The following MGST1 variants were observed in gnomAD, a reference collection of about 807,000 sequenced individuals.
MGST1 encodes the protein glutathione S-transferase 12.
MGST1 carries 5 observed loss-of-function variants against 8.9 expected under a neutral mutation model. That is an observed-to-expected ratio of 0.56 (90% confidence interval 0.29 to 1.19). The LOEUF (loss-of-function observed/expected upper bound fraction) is 1.19, where lower values mean the gene tolerates loss of function less well. Ranked by LOEUF, MGST1 falls within the 50% of genes most tolerant of loss-of-function variation. The pLI is 0.08. For synonymous variants in MGST1, 54 were observed against 67.8 expected (o/e 0.80, Z 1.00); for missense variants, 182 against 187.4 (o/e 0.97, Z 0.17).
At chr12:16,528,815 G>C (rs1009481994) in intron 4 of MGST1, among the ~76,000 whole-genome samples, 1 of 152,024 alleles carries the variant, frequency 6.6e-6, no homozygotes, top group Non-Finnish European at 1.5e-5. Context: ...CACCCAAGAA[G>C]AGCCCATGTG....
intron 4 of MGST1, among the ~76,000 whole-genome samples, chr12:16,474,841 A>T (rs1310374295): frequency 6.6e-6 from 1 of 152,242 alleles, no homozygotes; most frequent in Non-Finnish European, 1.5e-5. Context: ...AGTAGGTATT[A>T]ATCTTATTTT....
Position 16,389,435 on chromosome 12 carries a change from C to CT in MGST1, n.778+5837dup, listed in dbSNP as rs1480840039. ...TAAAATAAATAAGGTCTCTTTTTGTCTTTTTTGTGATTCCATGGGTCGGGT... is the reference window on the plus strand; with the variant it reads ...TAAAATAAATAAGGTCTCTTTTTGTCTTTTTTTGTGATTCCATGGGTCGGGT... On this transcript the variant is annotated intron_variant and non_coding_transcript_variant, in intron 1 of 1. Coordinates refer to the MGST1 transcript ENST00000359720. The surrounding 1 kb of genome is among the most constrained non-coding windows in gnomAD (Gnocchi z 4.6). 1.3e-5 allele frequency among the ~76,000 whole-genome samples: 2 copies of CT among 152,102 alleles called. No individual in the cohort carries two copies. Among genetic ancestry groups the CT allele is most frequent in the Non-Finnish European group, 2.9e-5 (2 of 67,992 alleles).
At chr12:16,543,224 C>T (rs1356192710) in intron 4 of MGST1, among the ~76,000 whole-genome samples, 1 of 152,100 alleles carries the variant, frequency 6.6e-6, no homozygotes, top group Non-Finnish European at 1.5e-5. Flanking sequence ...GTTCATCTTG[C>T]TAAATATCAG....
intron 4 of MGST1, among the ~76,000 whole-genome samples, chr12:16,579,019 G>A (rs765014183): frequency 4.6e-5 from 7 of 152,092 alleles, no homozygotes; most frequent in Admixed American, 6.6e-5. Context: ...ACACACTCTT[G>A]ACAGACTGTA....
At chr12:16,351,452 A>C (rs969332209) in intron 1 of MGST1, among the ~76,000 whole-genome samples, 1 of 152,188 alleles carries the variant, frequency 6.6e-6, no homozygotes, top group Non-Finnish European at 1.5e-5. Flanking sequence ...GGATTTTTTA[A>C]AAACCTTGCG....
At chr12:16,429,995 C>A (rs945197235) in intron 1 of MGST1, among the ~76,000 whole-genome samples, 4 of 152,098 alleles carry the variant, frequency 2.6e-5, no homozygotes, top group Admixed American at 1.3e-4. Flanking sequence ...TCTTTCAAAC[C>A]CTTTTGCTGC....
At chr12:16,444,257 A>C (rs894896528) in intron 4 of MGST1, among the ~76,000 whole-genome samples, 2 of 135,520 alleles carry the variant, frequency 1.5e-5, no homozygotes, top group African/African-American at 5.6e-5. Flanking sequence ...TGTGGGTATT[A>C]AGTTATAAAG....
intron 4 of MGST1, among the ~76,000 whole-genome samples, chr12:16,522,773 A>G (rs1941656413): frequency 6.6e-6 from 1 of 152,096 alleles, no homozygotes; most frequent in South Asian, 2.1e-4. Flanking sequence ...TTCTGCAGTA[A>G]GATGTGAGTT....
At chr12:16,487,167 T>A (rs1941404244) in intron 4 of MGST1, among the ~76,000 whole-genome samples, 1 of 152,162 alleles carries the variant, frequency 6.6e-6, no homozygotes, top group African/African-American at 2.4e-5. Flanking sequence ...CAAAAAAAGC[T>A]TTTCCAGAAT....
chr12:16,535,477 A>G (rs930184909), intron 4 of MGST1, among the ~76,000 whole-genome samples: 3 of 152,234 alleles, frequency 2.0e-5, no homozygotes, highest in Admixed American at 2.0e-4. Context: ...AAGTTCCAGC[A>G]TGACGGATAT....
intron 4 of MGST1, among the ~76,000 whole-genome samples, chr12:16,489,065 G>A (rs781403718): frequency 1.7e-4 from 26 of 152,008 alleles, no homozygotes; most frequent in African/African-American, 2.7e-4. Context: ...AGCTATTATC[G>A]TGTCACTGCA....
Position 16,533,192 on chromosome 12 carries a change from G to A in MGST1, n.483-56336G>A, listed in dbSNP as rs545400810. 3.3e-5 allele frequency among the ~76,000 whole-genome samples: 5 copies of A among 152,238 alleles called. No homozygotes were observed. In the South Asian group the frequency reaches 1.0e-3, roughly 32 times the overall value. On this transcript the variant is annotated intron_variant and non_coding_transcript_variant, in intron 4 of 4. Coordinates refer to the MGST1 transcript ENST00000538857. ...AAGAATTGGCATGTAAAAGACAGAG[G>A]ACTCTCATTTTTGTTCATTTCACTA...
intron 4 of MGST1, among the ~76,000 whole-genome samples, chr12:16,583,812 G>A (rs184326586): frequency 8.1e-4 from 123 of 152,296 alleles, no homozygotes; most frequent in African/African-American, 2.8e-3. Context: ...GAAGATGGAA[G>A]TGAAGGGGAC....
chr12:16,418,534 C>G (rs960976671), intron 1 of MGST1, among the ~76,000 whole-genome samples: 2 of 152,152 alleles, frequency 1.3e-5, no homozygotes, highest in Non-Finnish European at 2.9e-5. Context: ...AGGAACCAAA[C>G]TCAGTTCCCT....
Position 16,560,378 on chromosome 12 carries a change from A to G in MGST1, n.483-29150A>G. 1 of 1,602,550 alleles carries G rather than the reference A, an allele frequency of 6.2e-7. No individual in the cohort carries two copies. The highest frequency in any genetic ancestry group is 8.5e-7 in the Non-Finnish European group (1 of 1,175,034). On this transcript the variant is annotated intron_variant and non_coding_transcript_variant, in intron 4 of 4. Coordinates refer to the MGST1 transcript ENST00000538857. The surrounding 1 kb of genome is among the most constrained non-coding windows in gnomAD (Gnocchi z 5.0). Reference sequence around the variant, plus strand: ...ATAAATAGCCAGCACAGAGAGGTTAACCATTTCTTAGAGACCAAAAAGAGA... The same window carrying G: ...ATAAATAGCCAGCACAGAGAGGTTAGCCATTTCTTAGAGACCAAAAAGAGA...
chr12:16,491,062 C>T (rs1056920882), intron 4 of MGST1, among the ~76,000 whole-genome samples: 15 of 152,036 alleles, frequency 9.9e-5, no homozygotes, highest in Non-Finnish European at 1.9e-4. Context: ...CAAATTCTCT[C>T]GATATAACTA....
rs1940659636 is a variant in MGST1, at chr12:16,401,975, G to A, written n.778+18371G>A. On this transcript the variant is annotated intron_variant and non_coding_transcript_variant, in intron 1 of 1. Transcript: ENST00000359720. This position sits in a 1 kb window ranked among gnomAD's most constrained non-coding sequence, Gnocchi z 4.3. ...CTTCTTTGTTGAGGCAGTCATTCCA[G>A]CTCTTCATGAACTCTCCAGGGAATT... 6.2e-7 allele frequency: 1 copy of A among 1,612,092 alleles called. No individual in the cohort carries two copies.
intron 4 of MGST1, among the ~76,000 whole-genome samples, chr12:16,448,473 A>G (rs1214252218): frequency 5.3e-5 from 8 of 151,872 alleles, no homozygotes; most frequent in African/African-American, 1.9e-4. Flanking sequence ...GAGATTATCA[A>G]TTCAAAAAAT....
At position 16,401,788 on chromosome 12, in the gene MGST1, C is replaced by T. The variant is rs937392218; in HGVS notation, n.778+18184C>T. ...GACTCAGCCAGTTTGCTGTGTCAAA[C>T]TTTCTCATCTGCATCAACTATTTCC... On this transcript the variant is annotated intron_variant and non_coding_transcript_variant, in intron 1 of 1. Coordinates refer to the MGST1 transcript ENST00000359720. This position sits in a 1 kb window ranked among gnomAD's most constrained non-coding sequence, Gnocchi z 4.3. 1.9e-6 allele frequency: 3 copies of T among 1,602,972 alleles called. No homozygotes were observed. Among genetic ancestry groups the T allele is most frequent in the African/African-American group, 1.3e-5 (1 of 74,712 alleles).
Sources: allele counts gnomAD v4.1 joint callset (sites outside exome capture counted in the v4.1 genomes callset), GRCh38; gene constraint gnomAD v4.1.1; non-coding constraint Gnocchi (gnomAD v3.1); transcripts MANE v1.5; gene names NCBI Gene and HGNC (gene_info 2026-07-23, HGNC 2026-07-21).